Variants in MAP2K3 observed in about 807,000 individuals in gnomAD.
MAP2K3 encodes mitogen-activated protein kinase kinase 3.
A neutral mutation model predicts 46.4 loss-of-function variants in MAP2K3; 30 were observed. The ratio of observed to expected loss-of-function variants is 0.65; its 90% CI spans 0.48 to 0.88. The LOEUF (loss-of-function observed/expected upper bound fraction) is 0.88. Among genes scored for constraint, MAP2K3 ranks in the 40% least tolerant of loss-of-function variants. The probability of loss-of-function intolerance (pLI) is 0.00; values close to 1 mark genes in which losing one functional copy is unlikely to be tolerated. For missense variants in MAP2K3, 380 were observed against 464.5 expected (o/e 0.82, Z 1.67); for synonymous variants, 189 against 176.3 (o/e 1.07, Z -0.57).
chr17:21,299,876 G>GGAGGCTGAGACAGGAGA (rs1244714212), intron 3 of MAP2K3, among the ~76,000 whole-genome samples: 45 of 152,002 alleles, frequency 3.0e-4, no homozygotes, highest in Non-Finnish European at 5.6e-4. Context: ...CAGCTATTCA[G>GGAGGCTGAGACAGGAGA]GAGGCTGAGA....
At chr17:21,305,641 G>C (rs1673842) in intron 9 of MAP2K3, among the ~76,000 whole-genome samples, 6 of 152,292 alleles carry the variant, frequency 3.9e-5, no homozygotes, top group African/African-American at 1.4e-4. Context: ...TCCAGGTGTA[G>C]GGATGGGCCC....
At chr17:21,286,996 A>G (rs1245381731) in intron 1 of MAP2K3, among the ~76,000 whole-genome samples, 2 of 152,188 alleles carry the variant, frequency 1.3e-5, no homozygotes, top group Admixed American at 1.3e-4. Flanking sequence ...TCATAGCCCC[A>G]TTTACTGATA....
Position 21,296,102 on chromosome 17 carries a change from C to A in MAP2K3, c.50-2311C>A, listed in dbSNP as rs772920492. The A allele has an allele frequency of 1.9e-5, 25 of 1,289,416 alleles. No homozygotes were observed. The African/African-American group carries it at 3.5e-4, about 18-fold the overall frequency. The allele number at this position is 1,289,416 out of a possible 1,614,324, so 79.9% of individuals were successfully genotyped here. ...CCTCTGCAGAGAGGCTGGTCATATC[C>A]ATGGTGACCATTTATGGGCCACAAC... On this transcript the variant is annotated intron_variant, in intron 1 of 11. Coordinates refer to ENST00000342679, the MANE Select transcript of MAP2K3 (RefSeq NM_145109.3).
At chr17:21,299,963 C>A (rs900540582) in intron 3 of MAP2K3, among the ~76,000 whole-genome samples, 2 of 152,312 alleles carry the variant, frequency 1.3e-5, no homozygotes, top group East Asian at 3.8e-4. Flanking sequence ...GCCTGGGTGA[C>A]GAGAGTGACA....
chr17:21,303,421 C>G (rs1011702722), intron 7 of MAP2K3, among the ~76,000 whole-genome samples, 187 bp downstream of exon 7: 1 of 152,312 alleles, frequency 6.6e-6, no homozygotes, highest in African/African-American at 2.4e-5. Context: ...TGCTGGTGCT[C>G]GAAGCAAGGA....
Position 21,313,548 on chromosome 17 carries a change from G to C in MAP2K3, c.960+11G>C, listed in dbSNP as rs1301719009. 6.2e-7 allele frequency: 1 copy of C among 1,610,632 alleles called. No individual in the cohort carries two copies. Among genetic ancestry groups the C allele is most frequent in the South Asian group, 1.1e-5 (1 of 90,832 alleles). ...TACCTGGAGCTGATGGTGAGTATGG[G>C]CGGGAGGTGCCTGCCCTGCTCTTCA... On this transcript the variant is annotated intron_variant, in intron 11 of 11. Transcript: ENST00000342679.
intron 1 of MAP2K3, 59 bp downstream of exon 1, chr17:21,285,028 C>T: frequency 3.8e-6 from 6 of 1,564,572 alleles, no homozygotes; most frequent in South Asian, 2.3e-5. Context: ...GGCCGGGCTG[C>T]AAACCCCGAC....
chr17:21,299,038 A>G lies in MAP2K3; in HGVS notation c.165+112A>G, dbSNP rs1209608079. 3.3e-6 allele frequency: 5 copies of G among 1,498,016 alleles called. No individual in the cohort carries two copies. The African/African-American group carries it at 5.5e-5, about 17-fold the overall frequency. 92.8% of individuals were successfully genotyped at this position (1,498,016 alleles called of 1,614,324 possible). A position where few individuals can be genotyped will look rare whatever the true frequency, so the allele number is the denominator to read the frequency against. On this transcript the variant is annotated intron_variant, in intron 3 of 11. Coordinates refer to ENST00000342679, the MANE Select transcript of MAP2K3 (RefSeq NM_145109.3). ...GGTGACTGAGGGGTCAGAGAGGGTC[A>G]GGCTCTGGAGAAGAGCCTCGTCCTG...
intron 7 of MAP2K3, 97 bp from the exon 8 acceptor site, chr17:21,304,329 G>A (rs1597823165): frequency 6.3e-7 from 1 of 1,594,420 alleles, no homozygotes; most frequent in South Asian, 1.1e-5. Flanking sequence ...CACAGGAGGG[G>A]TCTTGGGCGA....
At chr17:21,292,538 T>C (rs1481256616) in intron 1 of MAP2K3, among the ~76,000 whole-genome samples, 1 of 152,312 alleles carries the variant, frequency 6.6e-6, no homozygotes, top group African/African-American at 2.4e-5. Flanking sequence ...TGTTTTGTTT[T>C]ATTTTTTGTA....
rs1166278275 is a variant in MAP2K3, at chr17:21,300,927, G to A, written c.333G>A (p.Leu111=). 2.5e-6 allele frequency: 4 copies of A among 1,614,140 alleles called. No homozygotes were observed. The highest frequency in any genetic ancestry group is 1.3e-5 in the African/African-American group (1 of 74,968). The change falls in exon 5 of 12, where the codon CTG becomes CTA. Residue 111 remains leucine (L), a synonymous_variant. Coordinates refer to ENST00000342679, the MANE Select transcript of MAP2K3 (RefSeq NM_145109.3). ...AGCAGAAGCGGCTGCTCATGGACCT[G>A]GACATCAACATGCGCACGGTCGACT... ...SQEQKRLLMD[L]DINMRTVDCF...
In MAP2K3 at chr17:21,301,012, C is replaced by T. The variant is rs1287662585; in HGVS notation, c.399+19C>T. 4.3e-6 allele frequency: 7 copies of T among 1,613,830 alleles called. No individual in the cohort carries two copies. The African/African-American group carries it at 5.3e-5, about 12-fold the overall frequency. The stretch of plus-strand genomic sequence containing the variant: ...CAGAGAGGTGCGTCCTTGCATGATG[C>T]AGCTGGGGATCTCCACCTCCCACCC... On this transcript the variant is annotated intron_variant, in intron 5 of 11. Transcript: ENST00000342679.
chr17:21,300,288 C>A (rs1011010287), intron 3 of MAP2K3, among the ~76,000 whole-genome samples: 1 of 152,312 alleles, frequency 6.6e-6, no homozygotes, highest in African/African-American at 2.4e-5. Flanking sequence ...TACCTGCTGG[C>A]GGGGCATTTT....
chr17:21,308,211 A>C (rs1327820713), intron 9 of MAP2K3, among the ~76,000 whole-genome samples: 2 of 147,910 alleles, frequency 1.4e-5, no homozygotes, highest in East Asian at 4.1e-4. Context: ...GCAATGGCAC[A>C]ATCTCAGTTC....
At chr17:21,309,963 CAT>C (rs1293008662) in intron 9 of MAP2K3, among the ~76,000 whole-genome samples, 1 of 151,138 alleles carries the variant, frequency 6.6e-6, no homozygotes, top group Non-Finnish European at 1.5e-5. Flanking sequence ...ACATGTTGTT[CAT>C]ATTTGTCTCT....
rs1332819351 is a variant in MAP2K3, at chr17:21,313,816, G to T, written c.960+279G>T. The T allele has an allele frequency of 2.1e-5, 12 of 577,590 alleles. No homozygotes were observed. The Admixed American group carries it at 3.6e-4, about 17-fold the overall frequency. The allele number at this position is 577,590 out of a possible 1,614,324, so 35.8% of individuals were successfully genotyped here. A position where few individuals can be genotyped will look rare whatever the true frequency, so the allele number is the denominator to read the frequency against. ...CATCAGGGAAGGCTTCATGGAGGAG[G>T]TACCATTTGAACTGAGCCTGGAAGG... On this transcript the variant is annotated intron_variant, in intron 11 of 11. Transcript: ENST00000342679.
At chr17:21,299,890 G>A (rs1254473366) in intron 3 of MAP2K3, among the ~76,000 whole-genome samples, 1 of 152,310 alleles carries the variant, frequency 6.6e-6, no homozygotes, top group Non-Finnish European at 1.5e-5. Flanking sequence ...GCTGAGACAG[G>A]AGAATCGCTT....
intron 1 of MAP2K3, chr17:21,295,770 G>A (rs1430851422): frequency 2.3e-6 from 3 of 1,289,558 alleles, no homozygotes; most frequent in East Asian, 1.1e-4. Flanking sequence ...CCCTTGACAG[G>A]TGGGGAAACT....
chr17:21,291,328 G>C (rs62056391), intron 1 of MAP2K3: 5,919 of 55,240 alleles, frequency 0.11, 112 homozygotes, highest in African/African-American at 0.2. Context: ...GAATACAATA[G>C]AATACAGTAC....
Sources: allele counts gnomAD v4.1 joint callset (sites outside exome capture counted in the v4.1 genomes callset), GRCh38; gene constraint gnomAD v4.1.1; transcripts MANE v1.5; gene names NCBI Gene and HGNC (gene_info 2026-07-23, HGNC 2026-07-21).